Variants in KCNH4 observed in about 807,000 individuals in gnomAD.
KCNH4 encodes the protein voltage-gated delayed rectifier potassium channel KCNH4.
KCNH4 carries 33 observed loss-of-function variants against 90.7 expected under a neutral mutation model. That is an observed-to-expected ratio of 0.36 (90% CI 0.28 to 0.49). The LOEUF is 0.49. Among genes scored for constraint, KCNH4 ranks in the 20% least tolerant of loss-of-function variants. The pLI is 0.98. For synonymous variants in KCNH4, 551 were observed against 581.7 expected (o/e 0.95, Z 0.76); for missense variants, 1,044 against 1,387.1 (o/e 0.75, Z 3.93).
Position 42,180,105 on chromosome 17 carries a change from G to A in KCNH4, c.76+765C>T, listed in dbSNP as rs893752097. On this transcript the variant is annotated intron_variant, in intron 1 of 16. Transcript: ENST00000264661. This position sits in a 1 kb window ranked among gnomAD's most constrained non-coding sequence, Gnocchi z 4.7. ...TGGGCGCTATGGAAACAAGGTGGTG[G>A]GGAAGAGGGTAGGGCCCGGCGGCTC... Among the ~76,000 whole-genome samples, 1 of 152,224 alleles carries A rather than the reference G, an allele frequency of 6.6e-6. No homozygotes were observed. The highest frequency in any genetic ancestry group is 6.5e-5 in the Admixed American group (1 of 15,282).
Position 42,166,342 on chromosome 17 carries a change from C to T in KCNH4, c.1795G>A (p.Gly599Ser). The change falls in exon 10 of 17, where the codon GGC becomes AGC. Residue 599 changes from glycine to serine, a missense_variant. Coordinates refer to ENST00000264661, the MANE Select transcript of KCNH4 (RefSeq NM_012285.3). ...TTGTCTCGGAGCACCTCAAGCGAGCCGGAGCAGACATAGTAATGTGCCTGC... is the reference window on the plus strand; with the variant it reads ...TTGTCTCGGAGCACCTCAAGCGAGCTGGAGCAGACATAGTAATGTGCCTGC... ...ALQAHYYVCS[G>S]SLEVLRDNMV... 1 of 1,612,422 alleles carries T rather than the reference C, an allele frequency of 6.2e-7. No individual in the cohort carries two copies. Among genetic ancestry groups the T allele is most frequent in the South Asian group, 1.1e-5 (1 of 90,804 alleles).
chr17:42,178,152 C>T lies in KCNH4; in HGVS notation c.533G>A (p.Arg178Gln), dbSNP rs555278285. The change falls in exon 4 of 17, where the codon CGA becomes CAA. Residue 178 changes from arginine (R) to glutamine (Q), a missense_variant. Arg to Gln is a conservative substitution (Grantham distance 43). This residue lies in a region of KCNH4 where 283 missense variants were observed against 378.6 expected (regional missense o/e 0.75). Coordinates refer to ENST00000264661, the MANE Select transcript of KCNH4 (RefSeq NM_012285.3). ...ARRRSRTVLH[R>Q]LTGHFGRRGQ... is the part of the protein sequence containing the mutation. ...CCGGCGGCCAAAGTGGCCGGTCAGT[C>T]GGTGTAGGACAGTACGGCTCCGTCT... The T allele has an allele frequency of 1.5e-5, 24 of 1,614,070 alleles. No individual in the cohort carries two copies. The highest frequency in any genetic ancestry group is 2.7e-5 in the African/African-American group (2 of 75,020).
At chr17:42,171,644 G>T in intron 7 of KCNH4, 144 bp downstream of exon 7, 2 of 840,848 alleles carry the variant, frequency 2.4e-6, no homozygotes, top group Non-Finnish European at 4.0e-6. Context: ...ATATTCCCAT[G>T]CTTGATCCAG....
chr17:42,166,428 A>C lies in KCNH4; in HGVS notation c.1709T>G (p.Leu570Arg). 1 of 1,614,130 alleles carries C rather than the reference A, an allele frequency of 6.2e-7. No individual in the cohort carries two copies. Among genetic ancestry groups the C allele is most frequent in the Non-Finnish European group, 8.5e-7 (1 of 1,179,982 alleles). Residue 570 changes from leucine to arginine, a missense_variant, in exon 10 of 17, where the codon CTG (leucine) becomes CGG (arginine). Coordinates refer to ENST00000264661, the MANE Select transcript of KCNH4 (RefSeq NM_012285.3). ...ASRGCLRALS[L>R]HIKTSFCAPG... is the part of the protein sequence containing the mutation. ...AGCGCAGAACGAGGTCTTGATGTGC[A>C]GCGATAGGGCCCGCAGGCAGCCCCT...
At chr17:42,172,833 C>T (rs929455394) in intron 6 of KCNH4, among the ~76,000 whole-genome samples, 1 of 151,740 alleles carries the variant, frequency 6.6e-6, no homozygotes. Flanking sequence ...GCCCCAGTAG[C>T]GACGGCAGCA....
Position 42,157,073 on chromosome 17 carries a change from G to A in KCNH4, c.*355C>T, listed in dbSNP as rs2079715083. 1 of 152,468 alleles carries A rather than the reference G, an allele frequency of 6.6e-6. No individual in the cohort carries two copies. Among genetic ancestry groups the A allele is most frequent in the South Asian group, 2.1e-4 (1 of 4,828 alleles). The allele number at this position is 152,468 out of a possible 1,614,324, so 9.4% of individuals were successfully genotyped here. A position where few individuals can be genotyped will look rare whatever the true frequency, so the allele number is the denominator to read the frequency against. Reference sequence around the variant, plus strand: ...GGGAAAGGATAGGGAGTGCTGTTGGGATTTTTGAGTTGCTAGCAGCAGAAG... The same window carrying A: ...GGGAAAGGATAGGGAGTGCTGTTGGAATTTTTGAGTTGCTAGCAGCAGAAG... On this transcript the variant is annotated 3_prime_UTR_variant, in exon 17 of 17. Coordinates refer to ENST00000264661, the MANE Select transcript of KCNH4 (RefSeq NM_012285.3).
At position 42,170,269 on chromosome 17, in the gene KCNH4, C is replaced by T. The variant is rs766311210; in HGVS notation, c.1228G>A (p.Val410Met). 25 of 1,602,112 alleles carry T rather than the reference C, an allele frequency of 1.6e-5. No homozygotes were observed. Among genetic ancestry groups the T allele is most frequent in the African/African-American group, 5.4e-5 (4 of 74,610 alleles). Residue 410 changes from valine (V) to methionine (M), a missense_variant, in exon 8 of 17, where the codon GTG becomes ATG. Around this residue, in one of 4 missense-constraint regions of KCNH4, gnomAD observed 318 missense variants for 479.6 expected, o/e 0.66. Transcript: ENST00000264661. ...WLHELGKRLE[V>M]PYVNGSVGGP... ...CCCACCGAGCCATTGACATAGGGCA[C>T]CTCCAGACGCTTGCCCAACTCATGC...
In KCNH4 at chr17:42,165,642, C is replaced by G. The variant is rs758173846; in HGVS notation, c.1892G>C (p.Gly631Ala). ...ADIPEPGQEPGLGADPNFVLK... is the reference protein window; with the variant it reads ...ADIPEPGQEPALGADPNFVLK... Reference sequence around the variant, plus strand: ...CACGAAGTTTGGGTCTGCTCCCAACCCAGGCTCCTGCCCCGGCTCAGGGAT... The same window carrying G: ...CACGAAGTTTGGGTCTGCTCCCAACGCAGGCTCCTGCCCCGGCTCAGGGAT... The change falls in exon 11 of 17, where the codon GGG (glycine) becomes GCG (alanine). Residue 631 changes from glycine to alanine, a missense_variant. Gly to Ala is a moderately conservative substitution (Grantham distance 60). This residue lies in a region of KCNH4 where 441 missense variants were observed against 512.3 expected (regional missense o/e 0.86). Coordinates refer to ENST00000264661, the MANE Select transcript of KCNH4 (RefSeq NM_012285.3). The G allele has an allele frequency of 6.2e-7, 1 of 1,614,204 alleles. No individual in the cohort carries two copies. Among genetic ancestry groups the G allele is most frequent in the Non-Finnish European group, 8.5e-7 (1 of 1,180,036 alleles).
chr17:42,179,035 AG>A lies in KCNH4; in HGVS notation c.77-10del, dbSNP rs750361726. 6.2e-7 allele frequency: 1 copy of A among 1,609,768 alleles called. No homozygotes were observed. Among genetic ancestry groups the A allele is most frequent in the East Asian group, 2.2e-5 (1 of 44,770 alleles). ...CAGCAGGAAGTTGCTGTCTGTGGGA[AG>A]AAGAGGTCAAGGTCAGGTCAAGGCT... On this transcript the variant is annotated splice_polypyrimidine_tract_variant and intron_variant, in intron 1 of 16. Transcript: ENST00000264661.
rs892279667 is a variant in KCNH4, at chr17:42,159,789, C to T, written c.*251G>A. The T allele has an allele frequency of 1.9e-5, 7 of 371,200 alleles. No homozygotes were observed. The highest frequency in any genetic ancestry group is 4.0e-5 in the East Asian group (1 of 24,708). 23.0% of individuals were successfully genotyped at this position (371,200 alleles called of 1,614,324 possible). A position where few individuals can be genotyped will look rare whatever the true frequency, so the allele number is the denominator to read the frequency against. On this transcript the variant is annotated 3_prime_UTR_variant, in exon 16 of 17. Transcript: ENST00000264661. ...CATCTGCCCAGCCCAATGGGCACTGCGGTTCATCTCATGCCTGCTGGGTTC... is the reference window on the plus strand; with the variant it reads ...CATCTGCCCAGCCCAATGGGCACTGTGGTTCATCTCATGCCTGCTGGGTTC...
At chr17:42,161,477 G>A (rs2079748539) in intron 15 of KCNH4, among the ~76,000 whole-genome samples, 1 of 152,232 alleles carries the variant, frequency 6.6e-6, no homozygotes, top group Non-Finnish European at 1.5e-5. Flanking sequence ...CCTTGGGGAG[G>A]AGGCAGAGGC....
chr17:42,178,245 G>A lies in KCNH4; in HGVS notation c.458-18C>T, dbSNP rs2144143253. The A allele has an allele frequency of 6.2e-7, 1 of 1,614,232 alleles. No individual in the cohort carries two copies. Among genetic ancestry groups the A allele is most frequent in the Non-Finnish European group, 8.5e-7 (1 of 1,180,038 alleles). On this transcript the variant is annotated intron_variant, in intron 3 of 16. Coordinates refer to ENST00000264661, the MANE Select transcript of KCNH4 (RefSeq NM_012285.3). ...GGAGTTTTCTGTTGGGAAGAAAGGT[G>A]CAGAGATACGTTGGGGCACATCCCT...
chr17:42,169,560 G>T lies in KCNH4; in HGVS notation c.1507C>A (p.Arg503Ser), dbSNP rs763598567. ...KDLKDFIRVH[R>S]LPRPLKQRML... is the part of the protein sequence containing the mutation. Reference sequence around the variant, plus strand: ...CGCTGCTTGAGCGGCCGCGGCAGGCGGTGCACACGGATGAAGTCCTTGAGG... The same window carrying T: ...CGCTGCTTGAGCGGCCGCGGCAGGCTGTGCACACGGATGAAGTCCTTGAGG... The change falls in exon 9 of 17, where the codon CGC (arginine) becomes AGC (serine). Residue 503 changes from arginine (R) to serine (S), a missense_variant. Transcript: ENST00000264661. 1.9e-6 allele frequency: 3 copies of T among 1,613,602 alleles called. No individual in the cohort carries two copies. Among genetic ancestry groups the T allele is most frequent in the Non-Finnish European group, 2.5e-6 (3 of 1,180,020 alleles).
At chr17:42,169,977 G>T in intron 8 of KCNH4, 130 bp downstream of exon 8, 1 of 990,052 alleles carries the variant, frequency 1.0e-6, no homozygotes, top group Non-Finnish European at 1.5e-6. Flanking sequence ...AAACGTCCGT[G>T]AATGAATGCG....
intron 6 of KCNH4, among the ~76,000 whole-genome samples, chr17:42,174,679 G>A (rs2079849869): frequency 1.3e-5 from 2 of 152,044 alleles, no homozygotes; most frequent in South Asian, 4.1e-4. Flanking sequence ...CACACCCAAG[G>A]GGGCCTGGGG....
chr17:42,165,759 C>T, intron 10 of KCNH4, 66 bp from the exon 11 acceptor site: 26 of 1,587,758 alleles, frequency 1.6e-5, no homozygotes, highest in Non-Finnish European at 2.2e-5. Context: ...GCTGGAGGTG[C>T]TCAGTGGATT....
rs1240101801 is a variant in KCNH4 at position 42,169,502 on chromosome 17, A to G, written c.1565T>C (p.Val522Ala). The G allele has an allele frequency of 1.2e-6, 2 of 1,613,132 alleles. No homozygotes were observed. Among genetic ancestry groups the G allele is most frequent in the Admixed American group, 1.7e-5 (1 of 60,024 alleles). ...CTCGTTGGCGTCGATGCCGCTGTTG[A>G]CGGCCCACGTGGTCTGGAAGTATTC... Reference protein sequence around the residue: ...MLEYFQTTWAVNSGIDANELL... With the variant: ...MLEYFQTTWAANSGIDANELL... The change falls in exon 9 of 17, where the codon GTC becomes GCC. Residue 522 changes from valine to alanine, a missense_variant. Val to Ala is a moderately conservative substitution (Grantham distance 64). This residue lies in a region of KCNH4 where 318 missense variants were observed against 479.6 expected (regional missense o/e 0.66). Coordinates refer to ENST00000264661, the MANE Select transcript of KCNH4 (RefSeq NM_012285.3).
Position 42,160,082 on chromosome 17 carries a change from G to A in KCNH4, c.3012C>T (p.Leu1004=). ...VPEASPPTPS[L]LRHSFQSRSD... The stretch of plus-strand genomic sequence containing the variant: ...ACCTGGACTGGAAACTGTGCCTCAA[G>A]AGGCTTGGGGTTGGGGGTGAGGCCT... Residue 1004 remains leucine (L), a synonymous_variant, in exon 16 of 17, where the codon CTC becomes CTT. Coordinates refer to ENST00000264661, the MANE Select transcript of KCNH4 (RefSeq NM_012285.3). 6.4e-7 allele frequency: 1 copy of A among 1,554,698 alleles called. No individual in the cohort carries two copies. The highest frequency in any genetic ancestry group is 1.2e-5 in the South Asian group (1 of 81,700).
In KCNH4 at chr17:42,162,356, G is replaced by A. The variant is rs776236984; in HGVS notation, c.2585-35C>T. The A allele has an allele frequency of 6.3e-6, 10 of 1,577,196 alleles. No individual in the cohort carries two copies. In the South Asian group the frequency reaches 1.1e-4, roughly 18 times the overall value. On this transcript the variant is annotated intron_variant, in intron 14 of 16. Coordinates refer to ENST00000264661, the MANE Select transcript of KCNH4 (RefSeq NM_012285.3). ...GAAGGGATGCAGGTGAGTTCATGGA[G>A]CATTAATACCTGAGCCTATAACTTG...
Sources: allele counts gnomAD v4.1 joint callset (sites outside exome capture counted in the v4.1 genomes callset), GRCh38; gene constraint gnomAD v4.1.1; regional missense constraint gnomAD v4.1.1; non-coding constraint Gnocchi (gnomAD v3.1); transcripts MANE v1.5; gene names NCBI Gene and HGNC (gene_info 2026-07-23, HGNC 2026-07-21).